The following IST1 variants were observed in gnomAD, a reference collection of about 807,000 sequenced individuals.
IST1 encodes the protein IST1 factor associated with ESCRT-III.
In IST1, 23 loss-of-function variants were observed where a neutral mutation model predicts 37.0. The ratio of observed to expected loss-of-function variants is 0.62; its 90% CI spans 0.45 to 0.88. The LOEUF (loss-of-function observed/expected upper bound fraction) is 0.88, where lower values mean the gene tolerates loss of function less well. Ranked by LOEUF, IST1 falls within the 40% of genes least tolerant of loss-of-function variation. IST1 has a pLI of 0.00. For synonymous variants in IST1, 180 were observed against 161.7 expected (o/e 1.11, Z -0.86); for missense variants, 488 against 445.4 (o/e 1.10, Z -0.86).
At chr16:71,912,674 G>C (rs1014621839) in intron 1 of IST1, among the ~76,000 whole-genome samples, 2 of 152,228 alleles carry the variant, frequency 1.3e-5, no homozygotes, top group East Asian at 3.8e-4. Flanking sequence ...GAGTTCAGTA[G>C]TGTGTACTCA....
chr16:71,916,232 C>T (rs1056831448), intron 2 of IST1, among the ~76,000 whole-genome samples: 3 of 152,170 alleles, frequency 2.0e-5, no homozygotes, highest in Non-Finnish European at 4.4e-5. Flanking sequence ...GTTGTTGTGG[C>T]ATTAGGTCAC....
intron 1 of IST1, 159 bp downstream of exon 1, chr16:71,895,748 C>T (rs114793532): frequency 0.03 from 5,733 of 191,878 alleles, 329 homozygotes; most frequent in African/African-American, 0.13. Flanking sequence ...GGGGTCAGAC[C>T]GGAGGTCAGG....
chr16:71,928,152 A>G lies in IST1; in HGVS notation c.*339A>G, dbSNP rs1369560579. On this transcript the variant is annotated 3_prime_UTR_variant, in exon 10 of 10. Coordinates refer to ENST00000378799, the MANE Select transcript of IST1 (RefSeq NM_001270975.2). ...GGAAGCACTGTGGGAAGACCACCAA[A>G]GATGGCTGGACAGTGGGAGAGAGCA... 1.2e-5 allele frequency: 4 copies of G among 332,812 alleles called. No individual in the cohort carries two copies. The highest frequency in any genetic ancestry group is 2.3e-5 in the Non-Finnish European group (4 of 173,776). The allele number at this position is 332,812 out of a possible 1,614,324, so 20.6% of individuals were successfully genotyped here.
intron 6 of IST1, 68 bp from the exon 7 acceptor site, chr16:71,922,406 G>C (rs1281487471): frequency 1.7e-5 from 23 of 1,339,506 alleles, no homozygotes; most frequent in Admixed American, 1.2e-4. Context: ...CTCCATCTCA[G>C]ACTCCGCTTT....
intron 2 of IST1, 87 bp from the exon 3 acceptor site, chr16:71,916,375 C>T (rs2037466333): frequency 1.6e-6 from 2 of 1,285,556 alleles, no homozygotes; most frequent in African/African-American, 1.5e-5. Context: ...TAGAAACACC[C>T]AGTTCTTCCT....
At position 71,930,028 on chromosome 16, in the gene IST1, C is replaced by G; in HGVS notation, c.*2215C>G. ...GCTTTCCCAGTGATATAACAGCATG[C>G]TAGTTTATCTTTTAGTTACCTACCT... On this transcript the variant is annotated 3_prime_UTR_variant, in exon 10 of 10. Transcript: ENST00000378799. 1 of 1,540,734 alleles carries G rather than the reference C, an allele frequency of 6.5e-7. No individual in the cohort carries two copies. The highest frequency in any genetic ancestry group is 1.7e-4 in the Middle Eastern group (1 of 5,928).
intron 4 of IST1, among the ~76,000 whole-genome samples, chr16:71,920,219 C>T (rs543313009): frequency 1.6e-4 from 25 of 152,328 alleles, no homozygotes; most frequent in African/African-American, 5.1e-4. Flanking sequence ...GCATAGGCTG[C>T]GAGCTGGGAC....
chr16:71,924,288 AT>A (rs978184972), intron 8 of IST1: 32 of 413,474 alleles, frequency 7.7e-5, no homozygotes, highest in Admixed American at 2.0e-4. Context: ...TATGGTAAGG[AT>A]TTTTTTTTCT....
intron 4 of IST1, among the ~76,000 whole-genome samples, chr16:71,917,527 G>A (rs1021256645): frequency 6.6e-6 from 1 of 152,156 alleles, no homozygotes; most frequent in Non-Finnish European, 1.5e-5. Context: ...AGTGCTGGGG[G>A]TAACAGTGGT....
chr16:71,899,988 C>G (rs937467750), intron 1 of IST1, among the ~76,000 whole-genome samples: 1 of 129,230 alleles, frequency 7.7e-6, no homozygotes, highest in Non-Finnish European at 1.6e-5. Flanking sequence ...CAGAACAAGA[C>G]TCTGTCTCAA....
chr16:71,909,335 C>G (rs745699874), intron 1 of IST1, among the ~76,000 whole-genome samples: 1 of 152,018 alleles, frequency 6.6e-6, no homozygotes, highest in East Asian at 1.9e-4. Context: ...TGAACACCGG[C>G]CTCAAGCGAT....
rs1052782402 is a variant in IST1, at chr16:71,922,501, G to C, written c.580G>C (p.Asp194His). The change falls in exon 7 of 10, where the codon GAT becomes CAT. Residue 194 changes from aspartate to histidine, a missense_variant. Physicochemically the swap from Asp to His is moderately conservative, Grantham distance 81 (BLOSUM62 -1). Transcript: ENST00000378799. ...MAEAPPGVET[D>H]LIDVGFTDDV... ...AGAAGCTCCTCCTGGGGTAGAGACA[G>C]ATCTTATTGATGTTGGATTCACAGA... is the stretch of plus-strand genomic sequence containing the variant. 2.5e-6 allele frequency: 4 copies of C among 1,614,196 alleles called. No homozygotes were observed. Among genetic ancestry groups the C allele is most frequent in the Non-Finnish European group, 3.4e-6 (4 of 1,180,026 alleles).
In IST1 at chr16:71,929,731, T is replaced by C. The variant is rs1436772261; in HGVS notation, c.*1918T>C. 14 of 1,429,976 alleles carry C rather than the reference T, an allele frequency of 9.8e-6. No individual in the cohort carries two copies. In the South Asian group the frequency reaches 1.3e-4, roughly 14 times the overall value. 88.6% of individuals were successfully genotyped at this position (1,429,976 alleles called of 1,614,324 possible). On this transcript the variant is annotated 3_prime_UTR_variant, in exon 10 of 10. Coordinates refer to ENST00000378799, the MANE Select transcript of IST1 (RefSeq NM_001270975.2). ...GTGAGAAAATTGAAATTACTGCTAA[T>C]AGTGGAGTAAAAAAAGTACCAAAGA...
At chr16:71,900,654 C>T (rs2037087565) in intron 1 of IST1, among the ~76,000 whole-genome samples, 1 of 120,700 alleles carries the variant, frequency 8.3e-6, no homozygotes, top group African/African-American at 3.4e-5. Context: ...AATGGTGTTA[C>T]ACTAATAAAG....
At chr16:71,924,660 C>T (rs2142600388) in intron 8 of IST1, 109 bp from the exon 9 acceptor site, 2 of 812,694 alleles carry the variant, frequency 2.5e-6, no homozygotes, top group East Asian at 2.4e-5. Context: ...GGAACAGGCT[C>T]TGTTGCATTT....
intron 4 of IST1, among the ~76,000 whole-genome samples, chr16:71,920,254 G>C (rs2037549940): frequency 2.0e-5 from 3 of 152,218 alleles, no homozygotes; most frequent in Admixed American, 2.0e-4. Flanking sequence ...ATCTAGCACA[G>C]ATATCTTGGT....
intron 1 of IST1, among the ~76,000 whole-genome samples, chr16:71,904,020 C>G (rs865827516): frequency 6.6e-6 from 1 of 152,106 alleles, no homozygotes; most frequent in Non-Finnish European, 1.5e-5. Flanking sequence ...TGACTTCACC[C>G]TTTTATGCTT....
chr16:71,925,641 TG>T (rs1050446222), intron 9 of IST1, among the ~76,000 whole-genome samples: 1 of 152,034 alleles, frequency 6.6e-6, no homozygotes, highest in Non-Finnish European at 1.5e-5. Context: ...AAAGCAATCA[TG>T]TTCATGTAGC....
At chr16:71,902,172 T>C (rs2037123208) in intron 1 of IST1, among the ~76,000 whole-genome samples, 1 of 152,226 alleles carries the variant, frequency 6.6e-6, no homozygotes, top group Admixed American at 6.5e-5. Context: ...TGAAGGTTCA[T>C]GTAATATTAG....
Sources: allele counts gnomAD v4.1 joint callset (sites outside exome capture counted in the v4.1 genomes callset), GRCh38; gene constraint gnomAD v4.1.1; transcripts MANE v1.5; gene names NCBI Gene and HGNC (gene_info 2026-07-23, HGNC 2026-07-21).